The following COL8A1 variants were observed in gnomAD, a reference collection of about 807,000 sequenced individuals.
The protein encoded by COL8A1 is collagen alpha-1(VIII) chain.
A neutral mutation model predicts 42.7 loss-of-function variants in COL8A1; 21 were observed. The ratio of observed to expected loss-of-function variants is 0.49; its 90% confidence interval spans 0.35 to 0.71. The LOEUF (loss-of-function observed/expected upper bound fraction) is 0.71. Ranked by LOEUF, COL8A1 falls within the 30% of genes least tolerant of loss-of-function variation. The pLI, the probability that COL8A1 is intolerant of heterozygous loss-of-function variation, is 0.01. For missense variants in COL8A1, 788 were observed against 962.4 expected (o/e 0.82, Z 2.40); for synonymous variants, 367 against 369.1 (o/e 0.99, Z 0.06).
chr3:99,773,671 G>A (rs1447378604), intron 2 of COL8A1, among the ~76,000 whole-genome samples: 2 of 150,550 alleles, frequency 1.3e-5, no homozygotes, highest in Middle Eastern at 3.5e-3. Context: ...TATCCAATCA[G>A]AACTCAGGAT....
rs1553682062 is a variant in COL8A1 at position 99,773,815 on chromosome 3, G to GTATATATATATATATATA, written c.-3-16859_-3-16842dup. Among the ~76,000 whole-genome samples, 153 of 35,884 alleles carry GTATATATATATATATATA rather than the reference G, an allele frequency of 4.3e-3. 2 individuals are homozygous for GTATATATATATATATATA. Among genetic ancestry groups the GTATATATATATATATATA allele is most frequent in the Non-Finnish European group, 6.5e-3 (131 of 20,058 alleles). The allele number at this position is 35,884 out of a possible 152,430, so 23.5% of individuals were successfully genotyped here. ...TAAGTAGATGATTATATATATGTGT[G>GTATATATATATATATATA]TATATATATATATATATATATATTT... On this transcript the variant is annotated intron_variant, in intron 2 of 3. Coordinates refer to ENST00000652472, the MANE Select transcript of COL8A1 (RefSeq NM_020351.4).
intron 1 of COL8A1, among the ~76,000 whole-genome samples, chr3:99,639,905 A>AT (rs913864736): frequency 2.6e-5 from 4 of 152,074 alleles, no homozygotes; most frequent in African/African-American, 7.2e-5. Flanking sequence ...TCACTTTTTT[A>AT]TTTTTTTGTT....
chr3:99,737,764 C>A (rs988737626), intron 1 of COL8A1, among the ~76,000 whole-genome samples: 1 of 151,912 alleles, frequency 6.6e-6, no homozygotes, highest in African/African-American at 2.4e-5. Flanking sequence ...TGAATCTGAA[C>A]GTTGGCCTGC....
In COL8A1 at chr3:99,797,665, T is replaced by C. The variant is rs1269626268; in HGVS notation, c.*1529T>C. 3 of 152,108 alleles carry C rather than the reference T, an allele frequency of 2.0e-5. No individual in the cohort carries two copies. The highest frequency in any genetic ancestry group is 7.2e-5 in the African/African-American group (3 of 41,402). The allele number at this position is 152,108 out of a possible 1,614,324, so 9.4% of individuals were successfully genotyped here. ...ATATTTGAAAAAATAATTCTGAAAT[T>C]TCGAATTTAAAAACAGATGTGCTGC... On this transcript the variant is annotated 3_prime_UTR_variant, in exon 4 of 4. Transcript: ENST00000652472.
intron 1 of COL8A1, among the ~76,000 whole-genome samples, chr3:99,687,010 T>A (rs1415978712): frequency 1.3e-5 from 2 of 152,072 alleles, no homozygotes; most frequent in East Asian, 1.9e-4. Flanking sequence ...ACCCAGCCAA[T>A]TTTTTTGTTT....
At chr3:99,692,203 C>G (rs1244718744) in intron 1 of COL8A1, among the ~76,000 whole-genome samples, 1 of 152,194 alleles carries the variant, frequency 6.6e-6, no homozygotes, top group Non-Finnish European at 1.5e-5. Flanking sequence ...GCAGAAACTA[C>G]ATACATCCAT....
chr3:99,735,747 T>C (rs1271639668), intron 1 of COL8A1, among the ~76,000 whole-genome samples: 3 of 151,972 alleles, frequency 2.0e-5, no homozygotes, highest in African/African-American at 7.3e-5. Context: ...TCCTTGTACC[T>C]CTGGTAGAAT....
At chr3:99,765,457 T>C (rs1941446417) in intron 2 of COL8A1, among the ~76,000 whole-genome samples, 1 of 152,240 alleles carries the variant, frequency 6.6e-6, no homozygotes, top group African/African-American at 2.4e-5. Context: ...GAGGGAATTA[T>C]AGCAGGACTG....
rs1404684753 is a variant in COL8A1 at position 99,796,794 on chromosome 3, C to T, written c.*658C>T. On this transcript the variant is annotated 3_prime_UTR_variant, in exon 4 of 4. Transcript: ENST00000652472. The stretch of plus-strand genomic sequence containing the variant: ...TAAAAGAATGGGTGAACCAATCGGC[C>T]TTTGTGAATTTATTCAGTGCCTTCT... The T allele has an allele frequency of 6.6e-6, 1 of 152,132 alleles. No individual in the cohort carries two copies. 9.4% of individuals were successfully genotyped at this position (152,132 alleles called of 1,614,324 possible).
At chr3:99,697,261 C>G (rs927507931) in intron 1 of COL8A1, among the ~76,000 whole-genome samples, 8 of 152,088 alleles carry the variant, frequency 5.3e-5, no homozygotes, top group African/African-American at 1.7e-4. Context: ...GCTGGGATTA[C>G]AGGCGTGAGC....
intron 1 of COL8A1, among the ~76,000 whole-genome samples, chr3:99,640,844 G>A (rs955444541): frequency 1.3e-5 from 2 of 152,100 alleles, no homozygotes; most frequent in African/African-American, 4.8e-5. Flanking sequence ...GATACTTCAC[G>A]TGAGTCTCCT....
chr3:99,643,508 A>G lies in COL8A1; in HGVS notation c.-129+4844A>G, dbSNP rs145616157. Among the ~76,000 whole-genome samples, 35 of 152,350 alleles carry G rather than the reference A, an allele frequency of 2.3e-4. No individual in the cohort carries two copies. The East Asian group carries it at 6.8e-3, about 29-fold the overall frequency. ...TTTCCTAAACTCCTTTCTTACTTGT[A>G]GAAAATATAGTCTATAAAACTACTT... On this transcript the variant is annotated intron_variant, in intron 1 of 3. Coordinates refer to ENST00000652472, the MANE Select transcript of COL8A1 (RefSeq NM_020351.4).
At chr3:99,784,510 C>T (rs1292358742) in intron 2 of COL8A1, among the ~76,000 whole-genome samples, 1 of 152,216 alleles carries the variant, frequency 6.6e-6, no homozygotes, top group Admixed American at 6.5e-5. Context: ...ACTTGCTACA[C>T]ACCTTGGCTA....
chr3:99,642,970 G>A (rs1937534156), intron 1 of COL8A1, among the ~76,000 whole-genome samples: 1 of 151,978 alleles, frequency 6.6e-6, no homozygotes, highest in Non-Finnish European at 1.5e-5. Flanking sequence ...TAACTTCTTG[G>A]AAATTAAAAA....
intron 1 of COL8A1, among the ~76,000 whole-genome samples, chr3:99,736,526 T>A (rs1187680072): frequency 1.3e-5 from 2 of 152,116 alleles, no homozygotes; most frequent in South Asian, 2.1e-4. Context: ...TCAGTTTCCA[T>A]GTAGTTGAGC....
At chr3:99,767,291 G>A (rs13079346) in intron 2 of COL8A1, among the ~76,000 whole-genome samples, 12,120 of 152,104 alleles carry the variant, frequency 0.08, 581 homozygotes, top group Middle Eastern at 0.11. Context: ...TCAGACACAA[G>A]GTTTTCATTT....
chr3:99,650,358 A>G (rs1023582247), intron 1 of COL8A1, among the ~76,000 whole-genome samples: 20 of 152,350 alleles, frequency 1.3e-4, no homozygotes, highest in African/African-American at 4.3e-4. Context: ...CAATGATGGA[A>G]TCATTCTGCC....
rs1321819937 is a variant in COL8A1, at chr3:99,719,435, G to GT, written c.-128-25461dup. 3.3e-5 allele frequency among the ~76,000 whole-genome samples: 5 copies of GT among 152,192 alleles called. No individual in the cohort carries two copies. The East Asian group carries it at 9.7e-4, about 29-fold the overall frequency. On this transcript the variant is annotated intron_variant, in intron 1 of 3. Coordinates refer to ENST00000652472, the MANE Select transcript of COL8A1 (RefSeq NM_020351.4). ...TTACTCCTCACAACAGCCTTAAAATGTAACAGGCACTCAGAATATAACAGT... is the reference window on the plus strand; with the variant it reads ...TTACTCCTCACAACAGCCTTAAAATGTTAACAGGCACTCAGAATATAACAGT...
intron 1 of COL8A1, among the ~76,000 whole-genome samples, chr3:99,663,863 A>C (rs1938282729): frequency 6.6e-6 from 1 of 152,190 alleles, no homozygotes; most frequent in Admixed American, 6.5e-5. Context: ...TTTTTAATGC[A>C]TACTATCTTT....
Sources: allele counts gnomAD v4.1 joint callset (sites outside exome capture counted in the v4.1 genomes callset), GRCh38; gene constraint gnomAD v4.1.1; transcripts MANE v1.5; gene names NCBI Gene and HGNC (gene_info 2026-07-23, HGNC 2026-07-21).